Variants in MEI4 observed in about 807,000 individuals in gnomAD.
The protein encoded by MEI4 is meiosis-specific protein MEI4.
In MEI4, 27 loss-of-function variants were observed where a neutral mutation model predicts 31.4. The observed-to-expected ratio is 0.86, with a 90% CI of 0.63 to 1.19. The LOEUF (loss-of-function observed/expected upper bound fraction) is 1.19, where lower values mean the gene tolerates loss of function less well. Among genes scored for constraint, MEI4 ranks in the 50% most tolerant of loss-of-function variants. MEI4 has a pLI of 0.00. For synonymous variants in MEI4, 122 were observed against 145.4 expected, an observed-to-expected ratio of 0.84 and a Z score of 1.16; for missense variants, 329 against 398.9, an observed-to-expected ratio of 0.82 and a Z score of 1.49.
At chr6:77,796,578 T>C (rs1453181444) in intron 3 of MEI4, among the ~76,000 whole-genome samples, 1 of 152,022 alleles carries the variant, frequency 6.6e-6, no homozygotes, top group Non-Finnish European at 1.5e-5. Flanking sequence ...CAACAAACTA[T>C]CTGAAAAATA....
intron 4 of MEI4, among the ~76,000 whole-genome samples, chr6:77,869,147 C>T (rs1369705351): frequency 6.6e-6 from 1 of 152,108 alleles, no homozygotes; most frequent in Non-Finnish European, 1.5e-5. Context: ...CTGGGCCTTA[C>T]ATTCCAGGGG....
chr6:77,665,244 TATG>T (rs2127643659), intron 1 of MEI4, among the ~76,000 whole-genome samples: 3 of 151,242 alleles, frequency 2.0e-5, no homozygotes, highest in African/African-American at 7.3e-5. Flanking sequence ...GGCACAGAGA[TATG>T]AGGTAGGGGT....
intron 4 of MEI4, among the ~76,000 whole-genome samples, chr6:77,871,607 A>G (rs1340281473): frequency 2.6e-5 from 4 of 152,198 alleles, no homozygotes; most frequent in Non-Finnish European, 4.4e-5. Flanking sequence ...TGCTCAGTAC[A>G]TGGGTGACAG....
chr6:77,656,607 A>G (rs1458865831), intron 1 of MEI4, among the ~76,000 whole-genome samples: 1 of 152,214 alleles, frequency 6.6e-6, no homozygotes, highest in Non-Finnish European at 1.5e-5. Context: ...AGTGGTGCTG[A>G]ACATTTACTG....
At chr6:77,741,778 C>A (rs1767411901) in intron 2 of MEI4, among the ~76,000 whole-genome samples, 1 of 109,244 alleles carries the variant, frequency 9.2e-6, no homozygotes, top group Admixed American at 1.2e-4. Context: ...CCTCCCCCCA[C>A]CCCACAACAG....
chr6:77,681,474 C>T (rs892584165), intron 1 of MEI4, among the ~76,000 whole-genome samples: 1 of 152,200 alleles, frequency 6.6e-6, no homozygotes, highest in African/African-American at 2.4e-5. Flanking sequence ...TACATATCTG[C>T]TCCCTATTTC....
intron 4 of MEI4, among the ~76,000 whole-genome samples, chr6:77,873,661 A>G: frequency 6.6e-6 from 1 of 152,160 alleles, no homozygotes; most frequent in African/African-American, 2.4e-5. Flanking sequence ...TTGGTGTTTT[A>G]CACATGAAGT....
At chr6:77,726,743 C>T (rs959448526) in intron 2 of MEI4, among the ~76,000 whole-genome samples, 1 of 152,016 alleles carries the variant, frequency 6.6e-6, no homozygotes, top group Non-Finnish European at 1.5e-5. Flanking sequence ...TAGGTGTATT[C>T]TAAGCATGAT....
intron 2 of MEI4, among the ~76,000 whole-genome samples, chr6:77,716,417 CTG>C (rs993002625): frequency 1.3e-5 from 2 of 151,814 alleles, no homozygotes; most frequent in African/African-American, 4.8e-5. Context: ...TTAGAATTAC[CTG>C]TGTGCTTGAA....
intron 2 of MEI4, among the ~76,000 whole-genome samples, chr6:77,748,381 A>G (rs566721510): frequency 6.6e-6 from 1 of 152,324 alleles, no homozygotes; most frequent in East Asian, 1.9e-4. Flanking sequence ...GCCCAACACC[A>G]TGTGGAAGCT....
chr6:77,763,093 G>A (rs1768081042), intron 3 of MEI4, among the ~76,000 whole-genome samples: 1 of 152,052 alleles, frequency 6.6e-6, no homozygotes, highest in South Asian at 2.1e-4. Flanking sequence ...ATATGTATTG[G>A]AGGTTGATAT....
chr6:77,880,226 T>G (rs887481255), intron 4 of MEI4, among the ~76,000 whole-genome samples: 3 of 139,772 alleles, frequency 2.1e-5, no homozygotes, highest in East Asian at 2.3e-4. Flanking sequence ...GTGGGGTTTT[T>G]TTTGTTTGTT....
chr6:77,873,623 T>A (rs1216307503), intron 4 of MEI4, among the ~76,000 whole-genome samples: 1 of 152,244 alleles, frequency 6.6e-6, no homozygotes, highest in Non-Finnish European at 1.5e-5. Context: ...ATCCCATTTG[T>A]CAATTTTGGC....
At chr6:77,695,169 T>C (rs573341150) in intron 2 of MEI4, among the ~76,000 whole-genome samples, 1 of 152,282 alleles carries the variant, frequency 6.6e-6, no homozygotes, top group South Asian at 2.1e-4. Context: ...ATTAGCCCTT[T>C]GTCAGATGAG....
chr6:77,863,970 C>T (rs1176059803), intron 4 of MEI4, among the ~76,000 whole-genome samples: 1 of 152,060 alleles, frequency 6.6e-6, no homozygotes, highest in African/African-American at 2.4e-5. Flanking sequence ...ATTTCATATC[C>T]AGCCAAACTA....
intron 4 of MEI4, among the ~76,000 whole-genome samples, chr6:77,862,203 A>G (rs150345510): frequency 2.2e-3 from 336 of 152,148 alleles, no homozygotes; most frequent in African/African-American, 7.4e-3. Flanking sequence ...CTCACTGGAG[A>G]GTGTCAGAAA....
At chr6:77,661,660 T>C (rs1028532402) in intron 1 of MEI4, among the ~76,000 whole-genome samples, 6 of 151,924 alleles carry the variant, frequency 3.9e-5, no homozygotes, top group Non-Finnish European at 8.8e-5. Flanking sequence ...AAATGAGAGG[T>C]TCTAAGAGAC....
At chr6:77,788,167 A>G (rs1363604146) in intron 3 of MEI4, among the ~76,000 whole-genome samples, 2 of 152,222 alleles carry the variant, frequency 1.3e-5, no homozygotes, top group African/African-American at 4.8e-5. Context: ...GATTATCTCA[A>G]TAGATGCAGA....
intron 1 of MEI4, among the ~76,000 whole-genome samples, chr6:77,664,986 A>G (rs1768594473): frequency 2.0e-5 from 3 of 151,986 alleles, no homozygotes; most frequent in East Asian, 1.9e-4. Flanking sequence ...AAGGGAGTAG[A>G]AGGAGGAATG....
Sources: allele counts gnomAD v4.1 joint callset (sites outside exome capture counted in the v4.1 genomes callset), GRCh38; gene constraint gnomAD v4.1.1; transcripts MANE v1.5; gene names NCBI Gene and HGNC (gene_info 2026-07-23, HGNC 2026-07-21).